ATP10A: variants seen among roughly 807,000 people sequenced by gnomAD.
ATP10A encodes phospholipid-transporting ATPase VA.
A neutral mutation model predicts 147.8 loss-of-function variants in ATP10A; 111 were observed. That is an observed-to-expected ratio of 0.75 (90% confidence interval 0.64 to 0.88). ATP10A has a LOEUF of 0.88. ATP10A is among the 40% of genes least tolerant of loss of function. The probability of loss-of-function intolerance (pLI) is 0.00; values close to 1 mark genes in which losing one functional copy is unlikely to be tolerated. For synonymous variants in ATP10A, 875 were observed against 841.6 expected (o/e 1.04, Z -0.69); for missense variants, 1,927 against 1,959.0 (o/e 0.98, Z 0.31).
chr15:25,768,129 C>T (rs574732408), intron 2 of ATP10A, among the ~76,000 whole-genome samples: 21 of 152,328 alleles, frequency 1.4e-4, no homozygotes, highest in Non-Finnish European at 2.1e-4. Context: ...TCAGAGGGAA[C>T]CCCAAGTGCT....
chr15:25,681,178 T>TAAC (rs10622382), intron 17 of ATP10A, 104 bp from the exon 18 acceptor site: 662,031 of 1,126,792 alleles, frequency 0.59, 204,304 homozygotes, highest in African/African-American at 0.8. Context: ...ACAACAACAA[T>TAAC]AACAACAAAA....
At chr15:25,735,341 C>CCA (rs145191774) in intron 3 of ATP10A, among the ~76,000 whole-genome samples, 9,250 of 151,258 alleles carry the variant, frequency 0.061, 318 homozygotes, top group African/African-American at 0.076. Flanking sequence ...ACAGCACTGA[C>CCA]CACACACACA....
At chr15:25,716,436 T>C (rs1027207258) in intron 9 of ATP10A, among the ~76,000 whole-genome samples, 1 of 152,132 alleles carries the variant, frequency 6.6e-6, no homozygotes. Context: ...GGCTGGCCTA[T>C]CTGGCTGCCC....
chr15:25,741,288 T>G (rs1256507631), intron 2 of ATP10A, among the ~76,000 whole-genome samples: 1 of 152,086 alleles, frequency 6.6e-6, no homozygotes, highest in Non-Finnish European at 1.5e-5. Flanking sequence ...GCCACAAGCT[T>G]CTGGATCACC....
chr15:25,777,852 T>C (rs1280754826), intron 2 of ATP10A, among the ~76,000 whole-genome samples: 1 of 148,116 alleles, frequency 6.8e-6, no homozygotes, highest in Non-Finnish European at 1.5e-5. Flanking sequence ...CCTCAAACAA[T>C]CCTCCTGTCT....
At chr15:25,812,999 G>A (rs1891497111) in intron 1 of ATP10A, among the ~76,000 whole-genome samples, 1 of 152,244 alleles carries the variant, frequency 6.6e-6, no homozygotes, top group African/African-American at 2.4e-5. Flanking sequence ...CATCTGAGGA[G>A]CCAGGCAGAG....
intron 2 of ATP10A, among the ~76,000 whole-genome samples, chr15:25,761,773 G>A (rs1197450064): frequency 6.6e-6 from 1 of 152,218 alleles, no homozygotes; most frequent in African/African-American, 2.4e-5. Context: ...TATCTAGGAG[G>A]TAACTAATTT....
chr15:25,862,203 C>T (rs1893792098), intron 1 of ATP10A: 2 of 458,768 alleles, frequency 4.4e-6, no homozygotes, highest in Non-Finnish European at 8.7e-6. Flanking sequence ...CTGAGCCGAG[C>T]TGTTAGCAGA....
At chr15:25,683,256 G>A (rs758340584) in intron 17 of ATP10A, 30 bp downstream of exon 17, 3 of 1,605,912 alleles carry the variant, frequency 1.9e-6, no homozygotes, top group South Asian at 2.2e-5. Flanking sequence ...AGCTCAGGAG[G>A]TGGAAGGCGG....
At chr15:25,759,549 T>C (rs929731334) in intron 2 of ATP10A, among the ~76,000 whole-genome samples, 5 of 152,176 alleles carry the variant, frequency 3.3e-5, no homozygotes, top group African/African-American at 1.2e-4. Flanking sequence ...CTCAGGCCTG[T>C]AATCCCAGCA....
intron 3 of ATP10A, among the ~76,000 whole-genome samples, chr15:25,734,753 A>C (rs572843542): frequency 2.6e-5 from 4 of 152,254 alleles, no homozygotes; most frequent in South Asian, 2.1e-4. Context: ...ATTCTCAGAT[A>C]ATAAGGGCAA....
intron 1 of ATP10A, among the ~76,000 whole-genome samples, chr15:25,812,880 C>T (rs1055302196): frequency 6.6e-6 from 1 of 152,192 alleles, no homozygotes; most frequent in Non-Finnish European, 1.5e-5. Flanking sequence ...TACTCTTCTG[C>T]ATCAAATAAG....
At chr15:25,795,659 C>T (rs1257746074) in intron 1 of ATP10A, among the ~76,000 whole-genome samples, 1 of 152,120 alleles carries the variant, frequency 6.6e-6, no homozygotes, top group South Asian at 2.1e-4. Flanking sequence ...GGAAGTATTT[C>T]TTTAGATATC....
chr15:25,675,296 A>G (rs1899114538), downstream of ATP10A, among the ~76,000 whole-genome samples: 1 of 152,092 alleles, frequency 6.6e-6, no homozygotes, highest in Admixed American at 6.5e-5. Flanking sequence ...TCCTGTAAGC[A>G]CTCTTGTCAC....
chr15:25,723,325 C>T (rs776113880), intron 6 of ATP10A, among the ~76,000 whole-genome samples: 13 of 147,718 alleles, frequency 8.8e-5, no homozygotes, highest in African/African-American at 2.8e-4. Context: ...TCCAGCCTGG[C>T]GACAAAACAA....
Position 25,708,230 on chromosome 15 carries a change from C to A in ATP10A, c.2415G>T (p.Ala805=), listed in dbSNP as rs185028547. The A allele has an allele frequency of 1.2e-5, 20 of 1,614,108 alleles. No individual in the cohort carries two copies. The highest frequency in any genetic ancestry group is 5.0e-5 in the Admixed American group (3 of 60,014). The change falls in exon 11 of 21, where the codon GCG becomes GCT. Residue 805 remains alanine, a synonymous_variant. Coordinates refer to ENST00000555815, the MANE Select transcript of ATP10A (RefSeq NM_024490.4). ...KTQNYLNVYA[A]EGLRTLCIAK... ...CGATGCACAAGGTGCGCAGGCCTTCCGCCGCATACACGTTGAGGTAATTCT... is the reference window on the plus strand; with the variant it reads ...CGATGCACAAGGTGCGCAGGCCTTCAGCCGCATACACGTTGAGGTAATTCT...
chr15:25,702,093 A>G lies in ATP10A; in HGVS notation c.2583T>C (p.Thr861=), dbSNP rs1433338957. 1 of 1,611,210 alleles carries G rather than the reference A, an allele frequency of 6.2e-7. No homozygotes were observed. Among genetic ancestry groups the G allele is most frequent in the Non-Finnish European group, 8.5e-7 (1 of 1,178,616 alleles). ...CGTCCTGCAGGCGGTCTTCAATCCCAGTGGCACCTGGTCAAATGCACAGCA... is the reference window on the plus strand; with the variant it reads ...CGTCCTGCAGGCGGTCTTCAATCCCGGTGGCACCTGGTCAAATGCACAGCA... ...LETNLHLLGA[T]GIEDRLQDGV... The change falls in exon 13 of 21, where the codon ACT becomes ACC. Residue 861 remains threonine (T), a synonymous_variant. Coordinates refer to ENST00000555815, the MANE Select transcript of ATP10A (RefSeq NM_024490.4).
chr15:25,786,201 G>A (rs1317569021), intron 1 of ATP10A, among the ~76,000 whole-genome samples: 3 of 152,150 alleles, frequency 2.0e-5, no homozygotes, highest in African/African-American at 7.2e-5. Flanking sequence ...GGGTGGGCCA[G>A]GGCTGACCAC....
At chr15:25,674,716 A>G (rs1385105863), downstream of ATP10A, among the ~76,000 whole-genome samples, 4 of 152,202 alleles carry the variant, frequency 2.6e-5, no homozygotes, top group African/African-American at 9.6e-5. Context: ...TAACATCTGT[A>G]AAACTAAAAA....
Sources: gnomAD v4.1 joint callset for allele counts (sites outside exome capture counted in the v4.1 genomes callset) on GRCh38, gnomAD v4.1.1 for gene constraint, MANE v1.5 for transcripts, NCBI Gene and HGNC (gene_info 2026-07-23, HGNC 2026-07-21) for gene names.